Variants in ANXA4 observed in about 807,000 individuals in gnomAD.
ANXA4 encodes 35-beta calcimedin.
In ANXA4, 39 loss-of-function variants were observed where a neutral mutation model predicts 49.8. That is an observed-to-expected ratio of 0.78 (90% CI 0.61 to 1.02). The LOEUF (loss-of-function observed/expected upper bound fraction) is 1.02, where lower values mean the gene tolerates loss of function less well. Among genes scored for constraint, ANXA4 ranks in the 50% least tolerant of loss-of-function variants. The pLI, the probability that ANXA4 is intolerant of heterozygous loss-of-function variation, is 0.00. For synonymous variants in ANXA4, 134 were observed against 152.5 expected, an observed-to-expected ratio of 0.88 and a Z score of 0.89; for missense variants, 360 against 410.1, an observed-to-expected ratio of 0.88 and a Z score of 1.05.
chr2:69,666,315 C>T (rs1445587084), intron 2 of ANXA4, among the ~76,000 whole-genome samples: 1 of 152,180 alleles, frequency 6.6e-6, no homozygotes, highest in South Asian at 2.1e-4. Context: ...ATTGGGGTAG[C>T]TGTAATTGAA....
rs143397099 is a variant in ANXA4 at position 69,755,652 on chromosome 2, A to G, written c.-47+13477A>G. On this transcript the variant is annotated intron_variant, in intron 1 of 12. Transcript: ENST00000394295. ...TGGTTAAAATGGTAAATTTTGCTAT[A>G]TATATGTTACCATGATTGAAAAAAT... 2.0e-5 allele frequency among the ~76,000 whole-genome samples: 3 copies of G among 152,302 alleles called. No homozygotes were observed. In the East Asian group the frequency reaches 5.8e-4, roughly 29 times the overall value.
chr2:69,814,342 C>CTTTTTTTTTT (rs781253870), intron 8 of ANXA4, among the ~76,000 whole-genome samples: 4 of 97,298 alleles, frequency 4.1e-5, no homozygotes, highest in South Asian at 3.4e-4. Context: ...GTATTTTATT[C>CTTTTTTTTTT]TTTTTTTTTT....
At chr2:69,772,907 C>T (rs1341251575) in intron 1 of ANXA4, among the ~76,000 whole-genome samples, 1 of 151,912 alleles carries the variant, frequency 6.6e-6, no homozygotes, top group African/African-American at 2.4e-5. Context: ...ATCCAAGCTA[C>T]TTGGGAGGCT....
At chr2:69,661,581 T>G (rs1676719754) in intron 2 of ANXA4, among the ~76,000 whole-genome samples, 1 of 152,090 alleles carries the variant, frequency 6.6e-6, no homozygotes, top group Non-Finnish European at 1.5e-5. Flanking sequence ...AAAATTTTTT[T>G]AAATCTCACA....
At chr2:69,738,404 G>A (rs965002023), upstream of ANXA4, among the ~76,000 whole-genome samples, 1 of 152,122 alleles carries the variant, frequency 6.6e-6, no homozygotes, top group African/African-American at 2.4e-5. Context: ...AAGCAGCTCA[G>A]TAGGCATCAT....
chr2:69,722,566 G>A (rs1669842769), intron 3 of ANXA4, among the ~76,000 whole-genome samples: 1 of 151,776 alleles, frequency 6.6e-6, no homozygotes. Flanking sequence ...TCGGGAACAG[G>A]CAAATTCATA....
intron 1 of ANXA4, among the ~76,000 whole-genome samples, chr2:69,780,255 C>T (rs979189133): frequency 2.0e-5 from 3 of 152,126 alleles, no homozygotes; most frequent in Non-Finnish European, 4.4e-5. Flanking sequence ...AGTGCAGTGG[C>T]ATGATCTTGG....
At chr2:69,729,290 C>A (rs559471530) in intron 3 of ANXA4, among the ~76,000 whole-genome samples, 1 of 152,360 alleles carries the variant, frequency 6.6e-6, no homozygotes, top group South Asian at 2.1e-4. Flanking sequence ...GCTGGGATTA[C>A]AGGTGTGAGC....
At chr2:69,650,213 G>C (rs560248452) in intron 1 of ANXA4, among the ~76,000 whole-genome samples, 4 of 152,160 alleles carry the variant, frequency 2.6e-5, no homozygotes, top group African/African-American at 9.6e-5. Flanking sequence ...TGGGATTACA[G>C]GCATGAGCCA....
chr2:69,722,308 C>T (rs193067535), intron 3 of ANXA4, among the ~76,000 whole-genome samples: 2 of 152,268 alleles, frequency 1.3e-5, no homozygotes, highest in East Asian at 1.9e-4. Context: ...CTCAAACTCA[C>T]GCTTGCATGC....
chr2:69,712,661 A>G (rs571964457), intron 2 of ANXA4, among the ~76,000 whole-genome samples: 2 of 152,254 alleles, frequency 1.3e-5, no homozygotes, highest in East Asian at 3.9e-4. Context: ...TACCCTATGG[A>G]TGAGGAAAGT....
At chr2:69,692,923 T>C (rs1678022651) in intron 2 of ANXA4, among the ~76,000 whole-genome samples, 2 of 152,202 alleles carry the variant, frequency 1.3e-5, no homozygotes, top group South Asian at 2.1e-4. Flanking sequence ...TTTATTTTAT[T>C]GTACTCTAAG....
rs370453111 is a variant in ANXA4, at chr2:69,817,110, T to A, written c.628+916T>A. 10 of 152,242 alleles carry A rather than the reference T, an allele frequency of 6.6e-5. No homozygotes were observed. The East Asian group carries it at 1.7e-3, about 26-fold the overall frequency. 9.4% of individuals were successfully genotyped at this position (152,242 alleles called of 1,614,324 possible). A position where few individuals can be genotyped will look rare whatever the true frequency, so the allele number is the denominator to read the frequency against. Reference sequence around the variant, plus strand: ...TCTTCACTTCCTTCCCTTGCCTGGTTACAAATAACAGGAATCTCCCCCTGG... The same window carrying A: ...TCTTCACTTCCTTCCCTTGCCTGGTAACAAATAACAGGAATCTCCCCCTGG... On this transcript the variant is annotated intron_variant, in intron 9 of 12. Transcript: ENST00000394295.
At chr2:69,783,926 T>C (rs1672304966) in intron 2 of ANXA4, among the ~76,000 whole-genome samples, 1 of 152,262 alleles carries the variant, frequency 6.6e-6, no homozygotes, top group South Asian at 2.1e-4. Flanking sequence ...TTCATCCGTA[T>C]TGTTGCATCA....
intron 3 of ANXA4, among the ~76,000 whole-genome samples, chr2:69,733,483 TCCCAGCTGAGGAG>T (rs956975783): frequency 1.3e-5 from 2 of 151,980 alleles, no homozygotes; most frequent in Non-Finnish European, 2.9e-5. Flanking sequence ...ATGCCTGTGG[TCCCAGCTGAGGAG>T]CCCAGCTCAG....
At chr2:69,694,917 T>C (rs1464571226) in intron 2 of ANXA4, among the ~76,000 whole-genome samples, 1 of 152,122 alleles carries the variant, frequency 6.6e-6, no homozygotes, top group Non-Finnish European at 1.5e-5. Flanking sequence ...TAAGCCACCA[T>C]GCCCAGGCTG....
intron 3 of ANXA4, among the ~76,000 whole-genome samples, chr2:69,721,613 T>G (rs1332257786): frequency 6.6e-6 from 1 of 152,142 alleles, no homozygotes; most frequent in East Asian, 1.9e-4. Flanking sequence ...AGGTGAGGAT[T>G]GCTTGAGCCT....
chr2:69,674,947 G>T (rs1677345202), intron 2 of ANXA4, among the ~76,000 whole-genome samples: 1 of 141,736 alleles, frequency 7.1e-6, no homozygotes, highest in Non-Finnish European at 1.5e-5. Context: ...TTTTGAGATG[G>T]AGTCTCGCTC....
At chr2:69,685,642 A>C (rs1677759912) in intron 2 of ANXA4, among the ~76,000 whole-genome samples, 1 of 152,238 alleles carries the variant, frequency 6.6e-6, no homozygotes, top group Admixed American at 6.5e-5. Flanking sequence ...TGAATCTAAA[A>C]GGATGAAATT....
Sources: allele counts gnomAD v4.1 joint callset (sites outside exome capture counted in the v4.1 genomes callset), GRCh38; gene constraint gnomAD v4.1.1; transcripts MANE v1.5; gene names NCBI Gene and HGNC (gene_info 2026-07-23, HGNC 2026-07-21).